The following MAF variants were observed in gnomAD, a reference collection of about 807,000 sequenced individuals.
MAF encodes transcription factor Maf.
MAF carries 10 observed loss-of-function variants against 22.0 expected under a neutral mutation model. That is an observed-to-expected ratio of 0.45 (90% CI 0.28 to 0.77). The LOEUF (loss-of-function observed/expected upper bound fraction) is 0.77. Among genes scored for constraint, MAF ranks in the 30% least tolerant of loss-of-function variants. MAF has a pLI of 0.12. For missense variants in MAF, 544 were observed against 548.4 expected (o/e 0.99, Z 0.08); for synonymous variants, 337 against 255.8 (o/e 1.32, Z -3.03).
the MAF span, among the ~76,000 whole-genome samples, chr16:79,369,045 A>G: frequency 6.6e-6 from 1 of 152,236 alleles, no homozygotes; most frequent in Non-Finnish European, 1.5e-5. Context: ...GTCAGCTCTT[A>G]GAACAGTGTT....
chr16:79,593,548 T>A (rs1229500350), downstream of MAF, among the ~76,000 whole-genome samples: 1 of 152,172 alleles, frequency 6.6e-6, no homozygotes, highest in Non-Finnish European at 1.5e-5. Flanking sequence ...CATTCAGTAA[T>A]AAACAGCATT....
the MAF span, among the ~76,000 whole-genome samples, chr16:79,430,526 A>G: frequency 6.6e-6 from 1 of 151,960 alleles, no homozygotes; most frequent in Non-Finnish European, 1.5e-5. Context: ...CCCTCTCCCC[A>G]CCTAGGGCAA....
At chr16:79,204,754 G>A in the MAF span, 8 of 152,264 alleles carry the variant, frequency 5.3e-5, no homozygotes, top group East Asian at 1.9e-4. Flanking sequence ...GGCTTTGGAC[G>A]CCTTTGGGTG....
At chr16:79,592,042 C>T (rs1913218941), downstream of MAF, among the ~76,000 whole-genome samples, 1 of 152,202 alleles carries the variant, frequency 6.6e-6, no homozygotes, top group Non-Finnish European at 1.5e-5. Flanking sequence ...AGCCACGGAG[C>T]AAGTGAAATT....
At chr16:79,238,441 A>G in the MAF span, among the ~76,000 whole-genome samples, 1 of 152,020 alleles carries the variant, frequency 6.6e-6, no homozygotes, top group Non-Finnish European at 1.5e-5. Context: ...TTCTTTTAGG[A>G]GTCTATGACC....
chr16:79,247,012 A>G, the MAF span, among the ~76,000 whole-genome samples: 7 of 152,340 alleles, frequency 4.6e-5, no homozygotes, highest in African/African-American at 1.7e-4. Context: ...AAACGAGAAC[A>G]TCAGCTAGTG....
At position 79,599,746 on chromosome 16, in the gene MAF, C is replaced by A; in HGVS notation, c.157G>T (p.Gly53Cys). 1.2e-6 allele frequency: 2 copies of A among 1,612,928 alleles called. No individual in the cohort carries two copies. Among genetic ancestry groups the A allele is most frequent in the Non-Finnish European group, 1.7e-6 (2 of 1,179,908 alleles). Residue 53 changes from glycine to cysteine, a missense_variant, in exon 1 of 2, where the codon GGC becomes TGC. Physicochemically the swap from Gly to Cys is radical, Grantham distance 159. This residue lies in a region of MAF where 63 missense variants were observed against 72.7 expected (regional missense o/e 0.87). Coordinates refer to ENST00000326043, the MANE Select transcript of MAF (RefSeq NM_005360.5). The stretch of plus-strand genomic sequence containing the variant: ...CTCATGGGGGTGGAGGACAGCGAGC[C>A]CCCGGCGATGAGACGGCCGCACTGG... ...ISQCGRLIAG[G>C]SLSSTPMSTP...
At chr16:79,547,942 G>A in the MAF span, among the ~76,000 whole-genome samples, 5 of 119,548 alleles carry the variant, frequency 4.2e-5, no homozygotes, top group Admixed American at 4.6e-4. Flanking sequence ...GAGAGAGAGA[G>A]AATAGCATCG....
At chr16:79,214,048 G>GCTGAAATGCTTT in the MAF span, among the ~76,000 whole-genome samples, 1 of 152,046 alleles carries the variant, frequency 6.6e-6, no homozygotes, top group South Asian at 2.1e-4. Context: ...TGTTTCCTCT[G>GCTGAAATGCTTT]CTGAAATGCT....
the MAF span, among the ~76,000 whole-genome samples, chr16:79,567,093 G>T: frequency 3.9e-5 from 6 of 152,224 alleles, no homozygotes; most frequent in Admixed American, 6.5e-5. Flanking sequence ...GCTAAGGCAG[G>T]CAGATCACAA....
chr16:79,226,311 T>A, the MAF span, among the ~76,000 whole-genome samples: 2 of 152,034 alleles, frequency 1.3e-5, no homozygotes, highest in Non-Finnish European at 2.9e-5. Context: ...TTCTGACTCA[T>A]AAGTGGGAGT....
the MAF span, among the ~76,000 whole-genome samples, chr16:79,459,827 A>G: frequency 2.0e-5 from 3 of 152,092 alleles, no homozygotes; most frequent in African/African-American, 7.2e-5. Context: ...GCCTCTTAAC[A>G]TGCTGGGATT....
chr16:79,421,988 G>C, the MAF span, among the ~76,000 whole-genome samples: 1 of 152,154 alleles, frequency 6.6e-6, no homozygotes, highest in Admixed American at 6.5e-5. Context: ...ATGTTGGCCA[G>C]GCTGGTCTCG....
At chr16:79,314,029 T>C in the MAF span, among the ~76,000 whole-genome samples, 737 of 152,324 alleles carry the variant, frequency 4.8e-3, 8 homozygotes, top group African/African-American at 0.017. Context: ...TGGTGACTAC[T>C]TGCGGCCAGA....
At chr16:79,264,238 C>T in the MAF span, among the ~76,000 whole-genome samples, 1 of 152,100 alleles carries the variant, frequency 6.6e-6, no homozygotes, top group Non-Finnish European at 1.5e-5. Context: ...AATAGAGAAA[C>T]CTTAGCTTGA....
the MAF span, among the ~76,000 whole-genome samples, chr16:79,546,071 A>T: frequency 6.6e-6 from 1 of 152,100 alleles, no homozygotes; most frequent in African/African-American, 2.4e-5. Flanking sequence ...AATAAAATAT[A>T]TCACTACATT....
the MAF span, among the ~76,000 whole-genome samples, chr16:79,233,065 C>T: frequency 6.6e-6 from 1 of 151,854 alleles, no homozygotes; most frequent in African/African-American, 2.4e-5. Context: ...TGGTCTCGAT[C>T]TCCTGACCTC....
At chr16:79,278,315 G>C in the MAF span, among the ~76,000 whole-genome samples, 1 of 152,208 alleles carries the variant, frequency 6.6e-6, no homozygotes, top group African/African-American at 2.4e-5. Flanking sequence ...CCATTACTTG[G>C]ATGAAAATAA....
At chr16:79,467,695 T>C in the MAF span, among the ~76,000 whole-genome samples, 1 of 152,172 alleles carries the variant, frequency 6.6e-6, no homozygotes, top group Admixed American at 6.5e-5. Context: ...TCGGAAACTC[T>C]GGGGCTGGGG....
Sources: gnomAD v4.1 joint callset for allele counts (sites outside exome capture counted in the v4.1 genomes callset) on GRCh38, gnomAD v4.1.1 for gene constraint, gnomAD v4.1.1 regional missense constraint, MANE v1.5 for transcripts, NCBI Gene and HGNC (gene_info 2026-07-23, HGNC 2026-07-21) for gene names.